Variants in SMTNL1 observed in about 807,000 individuals in gnomAD.
The protein encoded by SMTNL1 is smoothelin like 1.
A neutral mutation model predicts 46.6 loss-of-function variants in SMTNL1; 41 were observed. That is an observed-to-expected ratio of 0.88 (90% CI 0.69 to 1.14). The LOEUF is 1.14. Ranked by LOEUF, SMTNL1 falls within the 50% of genes most tolerant of loss-of-function variation. The pLI is 0.00. For missense variants in SMTNL1, 591 were observed against 626.1 expected, an observed-to-expected ratio of 0.94 and a Z score of 0.60; for synonymous variants, 234 against 234.2, an observed-to-expected ratio of 1.00 and a Z score of 0.01.
chr11:57,549,842 C>T, intron 7 of SMTNL1, 126 bp from the exon 8 acceptor site: 3 of 978,102 alleles, frequency 3.1e-6, no homozygotes, highest in Non-Finnish European at 3.1e-6. Context: ...CTTAGATGAT[C>T]TCCCAGCCCC....
intron 4 of SMTNL1, among the ~76,000 whole-genome samples, chr11:57,544,527 T>C (rs529371760): frequency 1.3e-5 from 2 of 152,306 alleles, no homozygotes; most frequent in East Asian, 3.9e-4. Context: ...TGAACATGTT[T>C]CCATGGTGCC....
chr11:57,546,171 A>C, intron 5 of SMTNL1, 62 bp from the exon 6 acceptor site: 1 of 1,519,958 alleles, frequency 6.6e-7, no homozygotes, highest in Non-Finnish European at 8.9e-7. Context: ...GGATCCTCCC[A>C]GTGGGGCCCT....
At chr11:57,540,534 TGTG>T (rs1267085379) in intron 1 of SMTNL1, among the ~76,000 whole-genome samples, 2 of 152,082 alleles carry the variant, frequency 1.3e-5, no homozygotes, top group African/African-American at 4.8e-5. Flanking sequence ...CAGAACACAA[TGTG>T]GAGAACCTGA....
chr11:57,547,719 C>T (rs1267985427), intron 7 of SMTNL1, among the ~76,000 whole-genome samples: 2 of 152,240 alleles, frequency 1.3e-5, no homozygotes, highest in Admixed American at 6.5e-5. Context: ...GGTTTTGCCT[C>T]TCCCACGTAG....
intron 1 of SMTNL1, among the ~76,000 whole-genome samples, chr11:57,540,483 C>A (rs1944864520): frequency 6.6e-6 from 1 of 152,182 alleles, no homozygotes; most frequent in African/African-American, 2.4e-5. Context: ...CCCAACCCCA[C>A]AGAAAACCCT....
intron 1 of SMTNL1, among the ~76,000 whole-genome samples, chr11:57,540,924 T>C (rs1458790701): frequency 6.6e-6 from 1 of 152,178 alleles, no homozygotes; most frequent in Non-Finnish European, 1.5e-5. Context: ...TTGGCCAGGC[T>C]GGTCTTGAAC....
chr11:57,543,006 C>T lies in SMTNL1; in HGVS notation c.364C>T (p.Pro122Ser), dbSNP rs1296179294. Residue 122 changes from proline (P) to serine (S), a missense_variant, in exon 2 of 8, where the codon CCC becomes TCC. Pro to Ser is a moderately conservative substitution (Grantham distance 74, BLOSUM62 -1). Transcript: ENST00000527972. ...CAGGAAAGAAGAGACCAAATCTGAA[C>T]CCAAAGAGGCTGAGGAAAAGGAGAG... ...TGRKEETKSE[P>S]KEAEEKESTL... The T allele has an allele frequency of 6.2e-7, 1 of 1,601,902 alleles. No homozygotes were observed. Among genetic ancestry groups the T allele is most frequent in the Admixed American group, 1.7e-5 (1 of 57,736 alleles).
At chr11:57,541,478 C>T (rs778861377) in intron 1 of SMTNL1, 1 of 1,366,312 alleles carries the variant, frequency 7.3e-7, no homozygotes, top group Non-Finnish European at 9.8e-7. Context: ...ATAGGAAACT[C>T]CGAGTTAAGA....
At chr11:57,542,137 C>CAA (rs1253813381) in intron 1 of SMTNL1, among the ~76,000 whole-genome samples, 4,678 of 147,974 alleles carry the variant, frequency 0.032, 104 homozygotes, top group Non-Finnish European at 0.047. Flanking sequence ...CACACACACA[C>CAA]ACACACAAAA....
At position 57,542,926 on chromosome 11, in the gene SMTNL1, A is replaced by G; in HGVS notation, c.284A>G (p.Lys95Arg). The G allele has an allele frequency of 6.2e-7, 1 of 1,606,078 alleles. No homozygotes were observed. The highest frequency in any genetic ancestry group is 8.5e-7 in the Non-Finnish European group (1 of 1,176,154). The stretch of plus-strand genomic sequence containing the variant: ...AAAGAGGATGCTGAGGCTGAACTTA[A>G]AAAGGAGGATGGTGAGAAGGAAGAG... Reference protein sequence around the residue: ...GGKEDAEAELKKEDGEKEETT... With the variant: ...GGKEDAEAELRKEDGEKEETT... Residue 95 changes from lysine to arginine, a missense_variant, in exon 2 of 8, where the codon AAA (lysine) becomes AGA (arginine). Lys to Arg is a conservative substitution (Grantham distance 26, BLOSUM62 2). Transcript: ENST00000527972.
In SMTNL1 at chr11:57,542,925, A is replaced by G. The variant is rs374673116; in HGVS notation, c.283A>G (p.Lys95Glu). ...GAAAGAGGATGCTGAGGCTGAACTT[A>G]AAAAGGAGGATGGTGAGAAGGAAGA... is the stretch of plus-strand genomic sequence containing the variant. Reference protein sequence around the residue: ...GGKEDAEAELKKEDGEKEETT... With the variant: ...GGKEDAEAELEKEDGEKEETT... The change falls in exon 2 of 8, where the codon AAA (lysine) becomes GAA (glutamate). Residue 95 changes from lysine to glutamate, a missense_variant. Transcript: ENST00000527972. 25 of 1,605,716 alleles carry G rather than the reference A, an allele frequency of 1.6e-5. No individual in the cohort carries two copies. Among genetic ancestry groups the G allele is most frequent in the Non-Finnish European group, 2.0e-5 (24 of 1,176,042 alleles).
At position 57,549,029 on chromosome 11, in the gene SMTNL1, CT is replaced by C. The variant is rs373390115; in HGVS notation, c.1341-925del. 7.1e-3 allele frequency among the ~76,000 whole-genome samples: 984 copies of C among 139,028 alleles called. 8 individuals carry two copies. The highest frequency in any genetic ancestry group is 0.02 in the African/African-American group (768 of 37,950). The allele number at this position is 139,028 out of a possible 152,430, so 91.2% of individuals were successfully genotyped here. On this transcript the variant is annotated intron_variant, in intron 7 of 7. Coordinates refer to ENST00000527972, the MANE Select transcript of SMTNL1 (RefSeq NM_001105565.3). ...TTTCTGTCCTTTATCTTTTTTTTTT[CT>C]TTTTTTTTTTTTTGAGACAGAGTAT...
rs771769747 is a variant in SMTNL1, at chr11:57,543,578, C to A, written c.733-46C>A. ...TTCTGAAGTCCTCATGAAGCCAGGGCAGGTGCTGTGTGACCATGAGCTCAC... is the reference window on the plus strand; with the variant it reads ...TTCTGAAGTCCTCATGAAGCCAGGGAAGGTGCTGTGTGACCATGAGCTCAC... On this transcript the variant is annotated intron_variant, in intron 2 of 7. Coordinates refer to ENST00000527972, the MANE Select transcript of SMTNL1 (RefSeq NM_001105565.3). 6 of 1,588,898 alleles carry A rather than the reference C, an allele frequency of 3.8e-6. No individual in the cohort carries two copies. The Admixed American group carries it at 7.1e-5, about 19-fold the overall frequency.
At chr11:57,540,684 T>C (rs1307971663) in intron 1 of SMTNL1, among the ~76,000 whole-genome samples, 2 of 151,572 alleles carry the variant, frequency 1.3e-5, no homozygotes, top group Non-Finnish European at 2.9e-5. Flanking sequence ...TCTCTGCTGA[T>C]GTGCGTCCAT....
chr11:57,543,876 G>C lies in SMTNL1; in HGVS notation c.873G>C (p.Leu291=). The part of the protein sequence containing the change: ...GEGHNLSTDG[L]GPDCVASGQT... ...CCTTTCACTTTCCTCCAGATGGGCT[G>C]GGTCCAGACTGTGTAGCTTCCGGAC... Residue 291 remains leucine, a synonymous_variant, in exon 4 of 8, where the codon CTG becomes CTC. Transcript: ENST00000527972. 2 of 1,593,250 alleles carry C rather than the reference G, an allele frequency of 1.3e-6. No homozygotes were observed. Among genetic ancestry groups the C allele is most frequent in the Non-Finnish European group, 1.7e-6 (2 of 1,169,818 alleles).
In SMTNL1 at chr11:57,550,194, G is replaced by A; in HGVS notation, c.*82G>A. ...GCCCGGGGGTTCCCTTCTGCTCCAT[G>A]GAGGCACCAGAGCCAGGGGCTTAGG... On this transcript the variant is annotated 3_prime_UTR_variant, in exon 8 of 8. Transcript: ENST00000527972. The A allele has an allele frequency of 7.0e-7, 1 of 1,432,744 alleles. No homozygotes were observed. The highest frequency in any genetic ancestry group is 9.4e-7 in the Non-Finnish European group (1 of 1,065,008). 88.8% of individuals were successfully genotyped at this position (1,432,744 alleles called of 1,614,324 possible).
chr11:57,542,767 T>A lies in SMTNL1; in HGVS notation c.125T>A (p.Ile42Asn), dbSNP rs1245893913. 1 of 1,613,766 alleles carries A rather than the reference T, an allele frequency of 6.2e-7. No homozygotes were observed. Residue 42 changes from isoleucine (I) to asparagine (N), a missense_variant, in exon 2 of 8, where the codon ATC (isoleucine) becomes AAC (asparagine). Coordinates refer to ENST00000527972, the MANE Select transcript of SMTNL1 (RefSeq NM_001105565.3). ...ACCAAAGGCACAGCTGGAAAGGCCA[T>A]CAATGAGGGGCCTCCCACTGAGTCA... ...EETKGTAGKA[I>N]NEGPPTESGK...
intron 1 of SMTNL1, among the ~76,000 whole-genome samples, chr11:57,538,434 G>A (rs1944846006): frequency 6.6e-6 from 1 of 152,228 alleles, no homozygotes; most frequent in Non-Finnish European, 1.5e-5. Context: ...ACTTCCTGGG[G>A]AAGGAAGGAG....
At chr11:57,538,387 A>G (rs1055099309) in intron 1 of SMTNL1, among the ~76,000 whole-genome samples, 2 of 152,216 alleles carry the variant, frequency 1.3e-5, no homozygotes, top group African/African-American at 4.8e-5. Flanking sequence ...AGATATCTGC[A>G]GTGCTGCTTT....
Sources: allele counts gnomAD v4.1 joint callset (sites outside exome capture counted in the v4.1 genomes callset), GRCh38; gene constraint gnomAD v4.1.1; transcripts MANE v1.5; gene names NCBI Gene and HGNC (gene_info 2026-07-23, HGNC 2026-07-21).